The following GPC6 variants were observed in gnomAD, a reference collection of about 807,000 sequenced individuals.
GPC6 encodes the protein glypican 6.
GPC6 carries 14 observed loss-of-function variants against 55.2 expected under a neutral mutation model. The ratio of observed to expected loss-of-function variants is 0.25; its 90% CI spans 0.17 to 0.40. The LOEUF (loss-of-function observed/expected upper bound fraction) is 0.40, where lower values mean the gene tolerates loss of function less well. Among genes scored for constraint, GPC6 ranks in the 10% least tolerant of loss-of-function variants. The pLI, the probability that GPC6 is intolerant of heterozygous loss-of-function variation, is 1.00. For synonymous variants in GPC6, 278 were observed against 259.6 expected (o/e 1.07, Z -0.68); for missense variants, 641 against 708.5 (o/e 0.90, Z 1.08).
rs565721628 is a variant in GPC6 at position 93,998,835 on chromosome 13, C to CT, written c.712-28887dup. Among the ~76,000 whole-genome samples the CT allele has an allele frequency of 2.8e-3, 426 of 152,124 alleles. 7 individuals are homozygous for CT. The highest frequency in any genetic ancestry group is 5.3e-3 in the Non-Finnish European group (362 of 67,990). ...CATATGCATTACCTCACATACCTAT[C>CT]TTTTTTTGTGGTAAGAACACTTAAA... On this transcript the variant is annotated intron_variant, in intron 3 of 8. Transcript: ENST00000377047.
intron 1 of GPC6, among the ~76,000 whole-genome samples, chr13:93,306,381 A>G (rs1032093342): frequency 2.6e-5 from 4 of 152,146 alleles, no homozygotes; most frequent in African/African-American, 9.7e-5. Flanking sequence ...CAGCCAGCAT[A>G]TAAATAGAGC....
intron 1 of GPC6, among the ~76,000 whole-genome samples, chr13:93,426,205 T>C (rs1877119813): frequency 6.6e-6 from 1 of 151,820 alleles, no homozygotes; most frequent in South Asian, 2.1e-4. Flanking sequence ...TTCTATAGTC[T>C]AGGCAATGGT....
At chr13:93,394,772 T>C (rs1875778536) in intron 1 of GPC6, among the ~76,000 whole-genome samples, 1 of 152,102 alleles carries the variant, frequency 6.6e-6, no homozygotes, top group Admixed American at 6.6e-5. Flanking sequence ...CTGGTCTTGT[T>C]TCTCCATGTG....
At chr13:93,452,033 G>GT (rs1878246194) in intron 1 of GPC6, among the ~76,000 whole-genome samples, 1 of 152,024 alleles carries the variant, frequency 6.6e-6, no homozygotes, top group Non-Finnish European at 1.5e-5. Flanking sequence ...TCAAGTTGCA[G>GT]TATCATTAAC....
chr13:94,288,952 TA>T (rs1319256788), intron 5 of GPC6, among the ~76,000 whole-genome samples: 39 of 30,500 alleles, frequency 1.3e-3, no homozygotes, highest in Middle Eastern at 0.016. Flanking sequence ...GATAGATAGA[TA>T]TATAGATAGA....
intron 1 of GPC6, among the ~76,000 whole-genome samples, chr13:93,285,520 A>AT (rs1878082170): frequency 6.6e-6 from 1 of 152,004 alleles, no homozygotes; most frequent in African/African-American, 2.4e-5. Context: ...TATTTAACAT[A>AT]TTTTACCTTG....
Position 94,405,302 on chromosome 13 carries a change from C to T in GPC6, c.*2085C>T, listed in dbSNP as rs1881326060. On this transcript the variant is annotated 3_prime_UTR_variant, in exon 9 of 9. Transcript: ENST00000377047. The stretch of plus-strand genomic sequence containing the variant: ...TCCTAGAAAACCATCCATTTCACTG[C>T]CCACATTTTGGCTTCCTACCACAAA... The T allele has an allele frequency of 6.6e-6, 1 of 152,164 alleles. No individual in the cohort carries two copies. Among genetic ancestry groups the T allele is most frequent in the Non-Finnish European group, 1.5e-5 (1 of 68,024 alleles). 9.4% of individuals were successfully genotyped at this position (152,164 alleles called of 1,614,324 possible).
chr13:94,043,471 A>G (rs1883613415), intron 4 of GPC6, among the ~76,000 whole-genome samples: 1 of 152,080 alleles, frequency 6.6e-6, no homozygotes, highest in African/African-American at 2.4e-5. Context: ...TTAACAACAT[A>G]CATACATAAT....
At chr13:93,426,273 A>G (rs1384214450) in intron 1 of GPC6, among the ~76,000 whole-genome samples, 1 of 151,938 alleles carries the variant, frequency 6.6e-6, no homozygotes. Flanking sequence ...TTTAGGGTAC[A>G]TGTGCACAAT....
intron 4 of GPC6, among the ~76,000 whole-genome samples, chr13:94,280,473 G>A (rs1457151304): frequency 2.0e-5 from 3 of 151,988 alleles, no homozygotes; most frequent in Admixed American, 6.6e-5. Flanking sequence ...TTAATTCATC[G>A]ATTTGGGTGA....
At chr13:93,456,700 A>T (rs889251197) in intron 1 of GPC6, among the ~76,000 whole-genome samples, 1 of 151,964 alleles carries the variant, frequency 6.6e-6, no homozygotes, top group Non-Finnish European at 1.5e-5. Context: ...AAGAATAGAG[A>T]CGTAAGGAAT....
At chr13:93,376,876 T>A (rs985999100) in intron 1 of GPC6, among the ~76,000 whole-genome samples, 1 of 152,114 alleles carries the variant, frequency 6.6e-6, no homozygotes, top group Non-Finnish European at 1.5e-5. Context: ...TGTGCACAGC[T>A]ATTATTTTCT....
At chr13:93,579,480 G>T (rs1394619779) in intron 2 of GPC6, among the ~76,000 whole-genome samples, 1 of 152,084 alleles carries the variant, frequency 6.6e-6, no homozygotes, top group African/African-American at 2.4e-5. Context: ...AGAGGAGGAA[G>T]AGGTGCAGTA....
At chr13:94,079,006 G>T (rs117216832) in intron 4 of GPC6, among the ~76,000 whole-genome samples, 2,421 of 151,980 alleles carry the variant, frequency 0.016, 25 homozygotes, top group Non-Finnish European at 0.024. Context: ...TCTGTTATCT[G>T]CAAATTCAAC....
intron 1 of GPC6, among the ~76,000 whole-genome samples, chr13:93,346,950 T>G (rs1880453906): frequency 6.6e-6 from 1 of 152,200 alleles, no homozygotes; most frequent in Admixed American, 6.5e-5. Context: ...TTTCAATGTA[T>G]CCATTCGGTT....
At chr13:93,985,432 G>A (rs531811129) in intron 3 of GPC6, among the ~76,000 whole-genome samples, 41 of 151,442 alleles carry the variant, frequency 2.7e-4, no homozygotes, top group Non-Finnish European at 5.3e-4. Flanking sequence ...GCAAGACTCC[G>A]TCTCAAAAGA....
intron 5 of GPC6, among the ~76,000 whole-genome samples, chr13:94,292,706 C>T (rs2139094353): frequency 6.6e-6 from 1 of 152,256 alleles, no homozygotes; most frequent in East Asian, 1.9e-4. Flanking sequence ...CCCAAACTCT[C>T]ACATCATATC....
chr13:94,291,391 G>C (rs564767912), intron 5 of GPC6, among the ~76,000 whole-genome samples: 1 of 151,474 alleles, frequency 6.6e-6, no homozygotes, highest in African/African-American at 2.5e-5. Flanking sequence ...AGGAAAGAGG[G>C]AAAGGAAGCC....
intron 6 of GPC6, among the ~76,000 whole-genome samples, chr13:94,308,420 A>G (rs1179159298): frequency 2.6e-5 from 4 of 152,242 alleles, no homozygotes; most frequent in Non-Finnish European, 5.9e-5. Flanking sequence ...GAGAGTATAG[A>G]CAAGTAGCAA....
Sources: allele counts gnomAD v4.1 joint callset (sites outside exome capture counted in the v4.1 genomes callset), GRCh38; gene constraint gnomAD v4.1.1; transcripts MANE v1.5; gene names NCBI Gene and HGNC (gene_info 2026-07-23, HGNC 2026-07-21).